The following BAIAP2L2 variants were observed in gnomAD, a reference collection of about 807,000 sequenced individuals.
The protein encoded by BAIAP2L2 is BAR/IMD domain-containing adapter protein 2-like 2.
A neutral mutation model predicts 60.4 loss-of-function variants in BAIAP2L2; 65 were observed. That is an observed-to-expected ratio of 1.08 (90% CI 0.88 to 1.32). The LOEUF is 1.32. Ranked by LOEUF, BAIAP2L2 falls within the 40% of genes most tolerant of loss-of-function variation. The pLI, the probability that BAIAP2L2 is intolerant of heterozygous loss-of-function variation, is 0.00. For missense variants in BAIAP2L2, 836 were observed against 741.2 expected, an observed-to-expected ratio of 1.13 and a Z score of -1.48; for synonymous variants, 344 against 301.7, an observed-to-expected ratio of 1.14 and a Z score of -1.45.
Position 38,108,325 on chromosome 22 carries a change from G to C in BAIAP2L2, c.144C>G (p.Ala48=). The C allele has an allele frequency of 2.5e-6, 4 of 1,612,534 alleles. No homozygotes were observed. Among genetic ancestry groups the C allele is most frequent in the Middle Eastern group, 1.7e-4 (1 of 6,056 alleles). ...TCTGGATGGCACTGAAGTAGACCTC[G>C]GCCGCCTCGGACAGAGCTGTGGACC... ...LRAFHALSEA[A]EVYFSAIQKI... Residue 48 remains alanine, a synonymous_variant, in exon 3 of 14, where the codon GCC becomes GCG. Transcript: ENST00000381669.
chr22:38,084,982 G>T lies in BAIAP2L2; in HGVS notation c.*318C>A, dbSNP rs1364339419. On this transcript the variant is annotated 3_prime_UTR_variant, in exon 14 of 14. Transcript: ENST00000381669. ...TGTTGGGCACGGAGCAGGTACAAGG[G>T]GCTCCTCCCCACGGGGGCAGAAAAG... The T allele has an allele frequency of 1.1e-4, 36 of 333,960 alleles. No individual in the cohort carries two copies. The East Asian group carries it at 2.2e-3, about 21-fold the overall frequency. The allele number at this position is 333,960 out of a possible 1,614,324, so 20.7% of individuals were successfully genotyped here.
intron 4 of BAIAP2L2, among the ~76,000 whole-genome samples, chr22:38,103,835 C>A (rs930179213): frequency 6.7e-6 from 1 of 149,866 alleles, no homozygotes; most frequent in African/African-American, 2.5e-5. Context: ...TGTACTCCAG[C>A]CTCGGTGACA....
intron 4 of BAIAP2L2, among the ~76,000 whole-genome samples, chr22:38,105,364 CAG>C (rs1271812424): frequency 4.7e-5 from 6 of 128,388 alleles, no homozygotes; most frequent in African/African-American, 1.9e-4. Flanking sequence ...TTTTTTGAGA[CAG>C]AGTCTCACCG....
chr22:38,099,960 C>A (rs1186370991), intron 4 of BAIAP2L2, among the ~76,000 whole-genome samples: 1 of 152,234 alleles, frequency 6.6e-6, no homozygotes, highest in Non-Finnish European at 1.5e-5. Flanking sequence ...TTAAGGTTTT[C>A]TCCCACAGTT....
At chr22:38,088,650 G>T in intron 10 of BAIAP2L2, 98 bp downstream of exon 10, 2 of 1,259,572 alleles carry the variant, frequency 1.6e-6, no homozygotes, top group African/African-American at 1.5e-5. Flanking sequence ...GGCCCCCGGG[G>T]GAGGCCAGGG....
chr22:38,087,008 A>C lies in BAIAP2L2; in HGVS notation c.1259+116T>G, dbSNP rs997845567. ...GAGACTCTGTCTCAAAAAAAAAAAAACAAAACAAAACAAAAAAACAAAAAA... is the reference window on the plus strand; with the variant it reads ...GAGACTCTGTCTCAAAAAAAAAAAACCAAAACAAAACAAAAAAACAAAAAA... On this transcript the variant is annotated intron_variant, in intron 11 of 13. Transcript: ENST00000381669. 44 of 1,042,402 alleles carry C rather than the reference A, an allele frequency of 4.2e-5. No homozygotes were observed. The South Asian group carries it at 6.1e-4, about 15-fold the overall frequency. The allele number at this position is 1,042,402 out of a possible 1,614,324, so 64.6% of individuals were successfully genotyped here. A position where few individuals can be genotyped will look rare whatever the true frequency, so the allele number is the denominator to read the frequency against.
intron 7 of BAIAP2L2, among the ~76,000 whole-genome samples, chr22:38,093,494 GCTCTT>G (rs1434564915): frequency 6.6e-6 from 1 of 152,206 alleles, no homozygotes; most frequent in Non-Finnish European, 1.5e-5. Flanking sequence ...GAGGGGGTCA[GCTCTT>G]CTCTTAATGT....
chr22:38,088,118 C>T (rs1277357530), intron 10 of BAIAP2L2, among the ~76,000 whole-genome samples: 1 of 152,252 alleles, frequency 6.6e-6, no homozygotes, highest in Non-Finnish European at 1.5e-5. Context: ...CTACCCTGCC[C>T]ATGAAGCCCC....
At chr22:38,099,938 A>C (rs1056152014) in intron 4 of BAIAP2L2, among the ~76,000 whole-genome samples, 7 of 152,074 alleles carry the variant, frequency 4.6e-5, no homozygotes, top group African/African-American at 1.7e-4. Flanking sequence ...TACATAATAA[A>C]ATTTCTAAAG....
Position 38,087,037 on chromosome 22 carries a change from AGCCT to A in BAIAP2L2, c.1259+83_1259+86del, listed in dbSNP as rs766167740. The A allele has an allele frequency of 8.3e-5, 118 of 1,418,746 alleles. No individual in the cohort carries two copies. In the Middle Eastern group the frequency reaches 2.1e-3, roughly 25 times the overall value. The allele number at this position is 1,418,746 out of a possible 1,614,324, so 87.9% of individuals were successfully genotyped here. A position where few individuals can be genotyped will look rare whatever the true frequency, so the allele number is the denominator to read the frequency against. On this transcript the variant is annotated intron_variant, in intron 11 of 13. Coordinates refer to ENST00000381669, the MANE Select transcript of BAIAP2L2 (RefSeq NM_025045.6). ...AACAAAACAAAAAAACAAAAAAACAAGCCTGCACCTTGCAGATCCTCTCCGCTGG... is the reference window on the plus strand; with the variant it reads ...AACAAAACAAAAAAACAAAAAAACAAGCACCTTGCAGATCCTCTCCGCTGG...
Position 38,108,266 on chromosome 22 carries a change from G to A in BAIAP2L2, c.203C>T (p.Ser68Leu). The change falls in exon 3 of 14, where the codon TCA (serine) becomes TTA (leucine). Residue 68 changes from serine (S) to leucine (L), a missense_variant. Coordinates refer to ENST00000381669, the MANE Select transcript of BAIAP2L2 (RefSeq NM_025045.6). ...AGGGGGAGCCTCACCCAGAATCTGT[G>A]AGGTGGGGCTCTGCAGGGCACGCTC... ...IGERALQSPT[S>L]QILGEILVQM... is the part of the protein sequence containing the mutation. The A allele has an allele frequency of 6.2e-7, 1 of 1,612,520 alleles. No homozygotes were observed. The highest frequency in any genetic ancestry group is 1.1e-5 in the South Asian group (1 of 90,952).
Position 38,085,327 on chromosome 22 carries a change from A to G in BAIAP2L2, c.1563T>C (p.Asn521=), listed in dbSNP as rs746497139. Residue 521 remains asparagine, a synonymous_variant, in exon 14 of 14, where the codon AAT becomes AAC. Transcript: ENST00000381669. ...ATVKLRPTIT[N]DRSAPLIR Reference sequence around the variant, plus strand: ...AGCGGATGAGGGGTGCTGAGCGGTCATTGGTGATGGTGGGACGAAGCTTGA... The same window carrying G: ...AGCGGATGAGGGGTGCTGAGCGGTCGTTGGTGATGGTGGGACGAAGCTTGA... 4.3e-6 allele frequency: 7 copies of G among 1,614,030 alleles called. No homozygotes were observed. The highest frequency in any genetic ancestry group is 1.7e-5 in the Admixed American group (1 of 60,016).
chr22:38,087,207 G>C lies in BAIAP2L2; in HGVS notation c.1176C>G (p.Pro392=). The change falls in exon 11 of 14, where the codon CCC becomes CCG. Residue 392 remains proline, a synonymous_variant. Coordinates refer to ENST00000381669, the MANE Select transcript of BAIAP2L2 (RefSeq NM_025045.6). ...VKALEEGPVN[P]MTPVTPMTSM... is the part of the protein sequence containing the mutation. ...AGGTCATGGGGGTCACGGGGGTCAT[G>C]GGATTCACGGGCCCCTCCTCCAGAG... 6.2e-7 allele frequency: 1 copy of C among 1,604,782 alleles called. No homozygotes were observed. The highest frequency in any genetic ancestry group is 2.3e-5 in the East Asian group (1 of 44,170).
intron 4 of BAIAP2L2, among the ~76,000 whole-genome samples, chr22:38,099,745 A>G (rs1003852905): frequency 6.6e-6 from 1 of 151,824 alleles, no homozygotes; most frequent in Non-Finnish European, 1.5e-5. Context: ...TGCTTCCCCA[A>G]CCCCGCGGAC....
rs775367064 is a variant in BAIAP2L2, at chr22:38,088,894, C to G, written c.972G>C (p.Gly324=). Residue 324 remains glycine (G), a synonymous_variant, in exon 10 of 14, where the codon GGG becomes GGC. Coordinates refer to ENST00000381669, the MANE Select transcript of BAIAP2L2 (RefSeq NM_025045.6). The stretch of plus-strand genomic sequence containing the variant: ...CCAGGGCGCGGACTCTCCTGGCGCC[C>G]CCGCCGCCGCCCGGGCGCTCGCCAA... The part of the protein sequence containing the change: ...NSFGERPGGG[G]GARRVRALVS... 2.5e-6 allele frequency: 4 copies of G among 1,571,720 alleles called. No homozygotes were observed. The highest frequency in any genetic ancestry group is 2.3e-5 in the South Asian group (2 of 87,490).
chr22:38,099,817 C>A (rs1489831205), intron 4 of BAIAP2L2, among the ~76,000 whole-genome samples: 3 of 152,240 alleles, frequency 2.0e-5, no homozygotes, highest in Non-Finnish European at 4.4e-5. Context: ...CCTTTTCCCA[C>A]AGTGGGTCCT....
chr22:38,087,173 A>AGGTCATGGG lies in BAIAP2L2; in HGVS notation c.1209_1210insCCCATGACC (p.Thr403_Ser404insProMetThr), dbSNP rs2145927952. 2 of 1,016,350 alleles carry AGGTCATGGG rather than the reference A, an allele frequency of 2.0e-6. No individual in the cohort carries two copies. Among genetic ancestry groups the AGGTCATGGG allele is most frequent in the South Asian group, 1.5e-5 (1 of 64,902 alleles). The allele number at this position is 1,016,350 out of a possible 1,614,324, so 63.0% of individuals were successfully genotyped here. ...TTCATGGGTGTCATGGGGGACATGG[A>AGGTCATGGG]GGTCATGGAGGTCATGGGGGTCACG... On this transcript the variant is annotated inframe_insertion, in exon 11 of 14. Transcript: ENST00000381669.
Position 38,089,076 on chromosome 22 carries a change from C to T in BAIAP2L2, c.901+20G>A, listed in dbSNP as rs765113626. 45 of 1,381,850 alleles carry T rather than the reference C, an allele frequency of 3.3e-5. No individual in the cohort carries two copies. The highest frequency in any genetic ancestry group is 4.0e-5 in the Non-Finnish European group (43 of 1,073,686). 85.6% of individuals were successfully genotyped at this position (1,381,850 alleles called of 1,614,324 possible). On this transcript the variant is annotated intron_variant, in intron 9 of 13. Coordinates refer to ENST00000381669, the MANE Select transcript of BAIAP2L2 (RefSeq NM_025045.6). The stretch of plus-strand genomic sequence containing the variant: ...GCGCCTCTCCCGGCCCTCCTGCCGC[C>T]CCGGGGCGGGGGCACTCACAGGCCG...
intron 1 of BAIAP2L2, 63 bp from the exon 2 acceptor site, chr22:38,109,271 A>T: frequency 7.3e-7 from 1 of 1,371,996 alleles, no homozygotes. Flanking sequence ...GGAACCACGG[A>T]TGGAGTCAAG....
Sources: allele counts gnomAD v4.1 joint callset (sites outside exome capture counted in the v4.1 genomes callset), GRCh38; gene constraint gnomAD v4.1.1; transcripts MANE v1.5; gene names NCBI Gene and HGNC (gene_info 2026-07-23, HGNC 2026-07-21).